The following ADAMTSL3 variants were observed in gnomAD, a reference collection of about 807,000 sequenced individuals.
ADAMTSL3 encodes the protein ADAMTS like 3.
A neutral mutation model predicts 201.7 loss-of-function variants in ADAMTSL3; 128 were observed. The ratio of observed to expected loss-of-function variants is 0.63; its 90% CI spans 0.55 to 0.73. The LOEUF is 0.73. ADAMTSL3 is among the 30% of genes least tolerant of loss of function. The pLI is 0.00. For missense variants in ADAMTSL3, 1,990 were observed against 2,119.6 expected (o/e 0.94, Z 1.20); for synonymous variants, 738 against 748.4 (o/e 0.99, Z 0.23).
At chr15:83,792,582 G>T (rs930612948) in intron 4 of ADAMTSL3, among the ~76,000 whole-genome samples, 1 of 152,150 alleles carries the variant, frequency 6.6e-6, no homozygotes, top group African/African-American at 2.4e-5. Flanking sequence ...TCAGGAGTTA[G>T]AGACCAGCCT....
At chr15:83,947,159 C>G (rs2066669332) in intron 19 of ADAMTSL3, among the ~76,000 whole-genome samples, 1 of 151,798 alleles carries the variant, frequency 6.6e-6, no homozygotes, top group African/African-American at 2.4e-5. Context: ...TCCTGCCAAA[C>G]TAGTCCTTCT....
At chr15:83,815,431 C>T (rs576973986) in intron 5 of ADAMTSL3, among the ~76,000 whole-genome samples, 1 of 152,238 alleles carries the variant, frequency 6.6e-6, no homozygotes, top group East Asian at 1.9e-4. Flanking sequence ...TTCTCCCTAG[C>T]ACGTGACCTA....
intron 4 of ADAMTSL3, among the ~76,000 whole-genome samples, chr15:83,797,878 A>G (rs1363006100): frequency 6.6e-6 from 1 of 152,202 alleles, no homozygotes; most frequent in African/African-American, 2.4e-5. Flanking sequence ...AAGATTGCTC[A>G]TTGCAGAACT....
intron 28 of ADAMTSL3, among the ~76,000 whole-genome samples, chr15:84,032,086 G>A (rs2068419747): frequency 6.6e-6 from 1 of 152,124 alleles, no homozygotes; most frequent in African/African-American, 2.4e-5. Flanking sequence ...ACACTAATCG[G>A]GGGCTTGGGA....
intron 2 of ADAMTSL3, among the ~76,000 whole-genome samples, chr15:83,669,334 C>T (rs762978211): frequency 4.0e-5 from 6 of 150,460 alleles, no homozygotes; most frequent in East Asian, 2.0e-4. Flanking sequence ...TTAGTAGAGA[C>T]GGGGTTTCAC....
intron 19 of ADAMTSL3, among the ~76,000 whole-genome samples, chr15:83,944,795 C>T (rs1405133187): frequency 6.6e-6 from 1 of 152,180 alleles, no homozygotes; most frequent in East Asian, 1.9e-4. Context: ...TACACCTAAC[C>T]TCTCTGAGCT....
In ADAMTSL3 at chr15:83,917,417, G is replaced by GTGTGTGTGTGTGTGTA. The variant is rs9329362; in HGVS notation, c.1987+4042_1987+4043insGTGTGTGTGTGTATGT. ...CACCAATCTCCAGCTTCCAAAGTGT[G>GTGTGTGTGTGTGTGTA]TGTATGTATGTATGTATGTATGTAT... On this transcript the variant is annotated intron_variant, in intron 16 of 29. Coordinates refer to ENST00000286744, the MANE Select transcript of ADAMTSL3 (RefSeq NM_207517.3). Among the ~76,000 whole-genome samples the GTGTGTGTGTGTGTGTA allele has an allele frequency of 6.1e-5, 9 of 146,530 alleles. 1 individual carries two copies. The highest frequency in any genetic ancestry group is 2.3e-4 in the African/African-American group (9 of 38,648).
At chr15:83,721,869 A>G (rs1166476229) in intron 3 of ADAMTSL3, among the ~76,000 whole-genome samples, 1 of 152,100 alleles carries the variant, frequency 6.6e-6, no homozygotes, top group Admixed American at 6.6e-5. Flanking sequence ...AGTAGCTGGG[A>G]CTACAGGTGT....
intron 6 of ADAMTSL3, among the ~76,000 whole-genome samples, chr15:83,835,072 A>C (rs1379784742): frequency 6.6e-6 from 1 of 152,020 alleles, no homozygotes; most frequent in Non-Finnish European, 1.5e-5. Flanking sequence ...GTCTCTACTG[A>C]AAATACAAAA....
rs1321669928 is a variant in ADAMTSL3 at position 83,942,592 on chromosome 15, T to A, written c.2118-4T>A. ...CAACTTTCCCCACTTGTTTTCTGTTTTAGGTGGCATGTGGGCTCTTGGGGG... is the reference window on the plus strand; with the variant it reads ...CAACTTTCCCCACTTGTTTTCTGTTATAGGTGGCATGTGGGCTCTTGGGGG... On this transcript the variant is annotated splice_region_variant and splice_polypyrimidine_tract_variant and intron_variant, in intron 17 of 29. Coordinates refer to ENST00000286744, the MANE Select transcript of ADAMTSL3 (RefSeq NM_207517.3). 1.2e-6 allele frequency: 2 copies of A among 1,610,522 alleles called. No homozygotes were observed. Among genetic ancestry groups the A allele is most frequent in the African/African-American group, 1.3e-5 (1 of 74,838 alleles).
intron 2 of ADAMTSL3, among the ~76,000 whole-genome samples, chr15:83,669,078 G>A (rs1434329738): frequency 6.6e-6 from 1 of 152,204 alleles, no homozygotes; most frequent in Non-Finnish European, 1.5e-5. Flanking sequence ...CTTGTCCGAT[G>A]TTATTAGGGC....
intron 3 of ADAMTSL3, among the ~76,000 whole-genome samples, chr15:83,729,211 A>G (rs560127767): frequency 6.6e-6 from 1 of 152,114 alleles, no homozygotes; most frequent in South Asian, 2.1e-4. Context: ...GAGTTTGATT[A>G]TTAAATACTT....
chr15:83,863,532 T>G (rs560511327), intron 8 of ADAMTSL3, among the ~76,000 whole-genome samples: 62 of 152,172 alleles, frequency 4.1e-4, no homozygotes, highest in Non-Finnish European at 8.2e-4. Context: ...CATAACGAAA[T>G]GAAGGCAGAA....
intron 3 of ADAMTSL3, among the ~76,000 whole-genome samples, chr15:83,748,673 T>A (rs1275615708): frequency 0.08 from 6,797 of 85,050 alleles, 393 homozygotes; most frequent in African/African-American, 0.23. Context: ...AAAAAAAAAA[T>A]ACCACACACA....
At chr15:83,811,657 G>A (rs1320771080) in intron 5 of ADAMTSL3, among the ~76,000 whole-genome samples, 3 of 152,218 alleles carry the variant, frequency 2.0e-5, no homozygotes, top group Non-Finnish European at 2.9e-5. Flanking sequence ...GGAGAATGCG[G>A]CAGAAATGTT....
At chr15:83,884,969 C>A in intron 9 of ADAMTSL3, 132 bp from the exon 10 acceptor site, 1 of 612,698 alleles carries the variant, frequency 1.6e-6, no homozygotes, top group South Asian at 2.1e-5. Context: ...ACTTATTGGA[C>A]TCTTGCCCCA....
intron 15 of ADAMTSL3, among the ~76,000 whole-genome samples, chr15:83,903,959 A>AGGGAG (rs2065785539): frequency 2.0e-5 from 2 of 100,428 alleles, no homozygotes; most frequent in Admixed American, 1.2e-4. Context: ...AAAGAAAGAA[A>AGGGAG]GAAAGAAAGA....
At chr15:83,858,902 C>G in intron 8 of ADAMTSL3, 62 bp downstream of exon 8, 1 of 1,364,174 alleles carries the variant, frequency 7.3e-7, no homozygotes, top group Admixed American at 2.2e-5. Flanking sequence ...CCAAAAAAAA[C>G]AAAAAACAAA....
At chr15:83,984,131 C>G (rs1333442508) in intron 21 of ADAMTSL3, among the ~76,000 whole-genome samples, 13 of 152,098 alleles carry the variant, frequency 8.5e-5, no homozygotes, top group Admixed American at 8.5e-4. Context: ...TCTTTATTGC[C>G]TTCAAATCTT....
Sources: gnomAD v4.1 joint callset for allele counts (sites outside exome capture counted in the v4.1 genomes callset) on GRCh38, gnomAD v4.1.1 for gene constraint, MANE v1.5 for transcripts, NCBI Gene and HGNC (gene_info 2026-07-23, HGNC 2026-07-21) for gene names.